ANGPT1: variants seen among roughly 807,000 people sequenced by gnomAD.
ANGPT1 encodes the protein angiopoietin-1.
Under a neutral mutation model 62.2 loss-of-function variants are expected in ANGPT1, and 17 were observed. That is an observed-to-expected ratio of 0.27 (90% CI 0.19 to 0.41). The LOEUF (loss-of-function observed/expected upper bound fraction) is 0.41. Among genes scored for constraint, ANGPT1 ranks in the 10% least tolerant of loss-of-function variants. The pLI, the probability that ANGPT1 is intolerant of heterozygous loss-of-function variation, is 1.00. For missense variants in ANGPT1, 478 were observed against 594.9 expected, an observed-to-expected ratio of 0.80 and a Z score of 2.04; for synonymous variants, 199 against 198.9, an observed-to-expected ratio of 1.00 and a Z score of 0.00.
At chr8:107,296,760 A>C (rs1693085303) in intron 5 of ANGPT1, among the ~76,000 whole-genome samples, 1 of 152,076 alleles carries the variant, frequency 6.6e-6, no homozygotes, top group South Asian at 2.1e-4. Flanking sequence ...TTTTTATTCA[A>C]ATTTTTATTT....
chr8:107,476,439 G>T (rs973465844), intron 1 of ANGPT1, among the ~76,000 whole-genome samples: 3 of 152,126 alleles, frequency 2.0e-5, no homozygotes, highest in Non-Finnish European at 4.4e-5. Context: ...CTGTCATGGG[G>T]TGGGGGGGAG....
intron 1 of ANGPT1, among the ~76,000 whole-genome samples, chr8:107,356,808 C>T (rs1439024975): frequency 6.6e-6 from 1 of 152,146 alleles, no homozygotes; most frequent in African/African-American, 2.4e-5. Flanking sequence ...AATGCCATAC[C>T]ACACACATGC....
chr8:107,276,827 T>A (rs1207179462), intron 7 of ANGPT1, among the ~76,000 whole-genome samples: 1 of 152,164 alleles, frequency 6.6e-6, no homozygotes, highest in South Asian at 2.1e-4. Flanking sequence ...TACTTCCCAA[T>A]GAAGATCTTG....
intron 1 of ANGPT1, among the ~76,000 whole-genome samples, chr8:107,388,759 C>G (rs1282440515): frequency 6.6e-6 from 1 of 152,096 alleles, no homozygotes; most frequent in Non-Finnish European, 1.5e-5. Flanking sequence ...AATTGATTGG[C>G]TGAAGAGTAT....
chr8:107,396,717 C>T (rs1816944295), intron 1 of ANGPT1, among the ~76,000 whole-genome samples: 1 of 151,726 alleles, frequency 6.6e-6, no homozygotes, highest in Non-Finnish European at 1.5e-5. Context: ...AAGACAGGGT[C>T]TTGCTATGTA....
At chr8:107,396,786 G>A (rs1307211682) in intron 1 of ANGPT1, among the ~76,000 whole-genome samples, 1 of 151,966 alleles carries the variant, frequency 6.6e-6, no homozygotes, top group Non-Finnish European at 1.5e-5. Flanking sequence ...ACCCCCTAAA[G>A]TGCTAGGATT....
chr8:107,423,198 C>T (rs1180138667), intron 1 of ANGPT1, among the ~76,000 whole-genome samples: 1 of 152,096 alleles, frequency 6.6e-6, no homozygotes. Context: ...ATAAATCAAG[C>T]CTACTTTCTC....
intron 4 of ANGPT1, among the ~76,000 whole-genome samples, chr8:107,305,611 T>C (rs1814696131): frequency 6.6e-6 from 1 of 152,044 alleles, no homozygotes; most frequent in South Asian, 2.1e-4. Context: ...AATTCTATAC[T>C]TGGGAAAATG....
At chr8:107,336,412 T>A in intron 2 of ANGPT1, 141 bp from the exon 3 acceptor site, 1 of 1,290,346 alleles carries the variant, frequency 7.7e-7, no homozygotes, top group Non-Finnish European at 9.8e-7. Context: ...ACGCCTGTAA[T>A]CCCAGCACTT....
chr8:107,300,049 A>G lies in ANGPT1; in HGVS notation c.936+3191T>C, dbSNP rs148868666. Among the ~76,000 whole-genome samples, 794 of 142,546 alleles carry G rather than the reference A, an allele frequency of 5.6e-3. 7 individuals carry two copies. The highest frequency in any genetic ancestry group is 0.017 in the East Asian group (81 of 4,798). 93.5% of individuals were successfully genotyped at this position (142,546 alleles called of 152,430 possible). ...GTTATATCTAGATATAACTATATAT[A>G]TAGTTATATCTAGATATAGGTATCT... On this transcript the variant is annotated intron_variant, in intron 5 of 8. Coordinates refer to ENST00000517746, the MANE Select transcript of ANGPT1 (RefSeq NM_001146.5).
intron 1 of ANGPT1, among the ~76,000 whole-genome samples, chr8:107,408,318 C>T (rs1429466026): frequency 6.6e-6 from 1 of 152,094 alleles, no homozygotes; most frequent in Non-Finnish European, 1.5e-5. Flanking sequence ...ATTTGATGTT[C>T]AAGAAGGCTC....
chr8:107,312,594 G>A (rs1416470146), intron 4 of ANGPT1, among the ~76,000 whole-genome samples: 1 of 152,164 alleles, frequency 6.6e-6, no homozygotes, highest in African/African-American at 2.4e-5. Context: ...TACTCTTGTG[G>A]TGTGATATAC....
At chr8:107,392,057 A>T (rs1220853531) in intron 1 of ANGPT1, among the ~76,000 whole-genome samples, 1 of 152,138 alleles carries the variant, frequency 6.6e-6, no homozygotes, top group Non-Finnish European at 1.5e-5. Flanking sequence ...AAAAATAATA[A>T]TCTCCTCCAT....
chr8:107,317,561 G>A (rs1322984462), intron 4 of ANGPT1, among the ~76,000 whole-genome samples: 6 of 150,610 alleles, frequency 4.0e-5, no homozygotes, highest in African/African-American at 1.2e-4. Context: ...TATTTGCCAC[G>A]TGTATGCTCA....
Position 107,280,702 on chromosome 8 carries a change from T to G in ANGPT1, c.1205+3980A>C, listed in dbSNP as rs557742186. On this transcript the variant is annotated intron_variant, in intron 7 of 8. Coordinates refer to ENST00000517746, the MANE Select transcript of ANGPT1 (RefSeq NM_001146.5). ...TCCAGGTAGGTAAAGTTAGGGAGAG[T>G]GTATGGCAGCAATAGGTGCATAATT... 4.7e-4 allele frequency among the ~76,000 whole-genome samples: 72 copies of G among 151,950 alleles called. 1 individual carries two copies. The highest frequency in any genetic ancestry group is 9.7e-4 in the Non-Finnish European group (66 of 67,980).
Position 107,475,499 on chromosome 8 carries a change from GC to G in ANGPT1, c.297+21762del, listed in dbSNP as rs1392673424. Among the ~76,000 whole-genome samples the G allele has an allele frequency of 3.3e-5, 5 of 152,190 alleles. No individual in the cohort carries two copies. The South Asian group carries it at 8.3e-4, about 25-fold the overall frequency. On this transcript the variant is annotated intron_variant, in intron 1 of 8. Coordinates refer to ENST00000517746, the MANE Select transcript of ANGPT1 (RefSeq NM_001146.5). ...ATAAAAACCCTAGAAGAAAACCTAG[GC>G]AATACCATTCAGGACATAGGCATGG...
intron 7 of ANGPT1, among the ~76,000 whole-genome samples, chr8:107,269,939 A>G (rs1813700865): frequency 1.3e-5 from 2 of 152,064 alleles, no homozygotes; most frequent in African/African-American, 4.8e-5. Flanking sequence ...TTCTCTAGTC[A>G]TCTTTGATAA....
chr8:107,487,078 G>T (rs1812832798), intron 1 of ANGPT1, among the ~76,000 whole-genome samples: 1 of 152,012 alleles, frequency 6.6e-6, no homozygotes, highest in African/African-American at 2.4e-5. Context: ...TCCTGACACT[G>T]CTATAGTCCC....
chr8:107,408,142 G>T (rs1349901722), intron 1 of ANGPT1, among the ~76,000 whole-genome samples: 1 of 152,132 alleles, frequency 6.6e-6, no homozygotes, highest in Non-Finnish European at 1.5e-5. Flanking sequence ...TGTTCTCAGG[G>T]TTTATCCAGC....
Sources: allele counts gnomAD v4.1 joint callset (sites outside exome capture counted in the v4.1 genomes callset), GRCh38; gene constraint gnomAD v4.1.1; transcripts MANE v1.5; gene names NCBI Gene and HGNC (gene_info 2026-07-23, HGNC 2026-07-21).